The following SNTG2 variants were observed in gnomAD, a reference collection of about 807,000 sequenced individuals.
SNTG2 encodes gamma-2-syntrophin.
A neutral mutation model predicts 70.9 loss-of-function variants in SNTG2; 74 were observed. That is an observed-to-expected ratio of 1.04 (90% confidence interval 0.86 to 1.27). SNTG2 has a LOEUF of 1.27. SNTG2 is among the 50% of genes most tolerant of loss of function. SNTG2 has a pLI of 0.00. For synonymous variants in SNTG2, 278 were observed against 273.8 expected (o/e 1.02, Z -0.15); for missense variants, 717 against 690.7 (o/e 1.04, Z -0.43).
At chr2:1,282,831 G>C (rs1299831289) in intron 14 of SNTG2, among the ~76,000 whole-genome samples, 1 of 151,274 alleles carries the variant, frequency 6.6e-6, no homozygotes, top group Non-Finnish European at 1.5e-5. Context: ...GATAAGTAGA[G>C]CGCTGGCATT....
At chr2:1,085,248 A>T (rs1664608975) in intron 2 of SNTG2, among the ~76,000 whole-genome samples, 1 of 152,206 alleles carries the variant, frequency 6.6e-6, no homozygotes, top group Admixed American at 6.5e-5. Context: ...CTTAATAGAG[A>T]TTTTTAACTA....
In SNTG2 at chr2:1,113,215, A is replaced by T. The variant is rs372704746; in HGVS notation, c.325+14805A>T. 3.2e-3 allele frequency among the ~76,000 whole-genome samples: 362 copies of T among 113,828 alleles called. 6 individuals carry two copies. Among genetic ancestry groups the T allele is most frequent in the African/African-American group, 0.012 (344 of 29,826 alleles). The allele number at this position is 113,828 out of a possible 152,430, so 74.7% of individuals were successfully genotyped here. ...TTGAGAAGGATCGTGTGTACTGAGG[A>T]TTAACCTTTACAGTCCTTTCAGAAG... On this transcript the variant is annotated intron_variant, in intron 4 of 16. Transcript: ENST00000308624.
chr2:975,093 C>T (rs1660866510), intron 1 of SNTG2, among the ~76,000 whole-genome samples: 1 of 151,880 alleles, frequency 6.6e-6, no homozygotes, highest in Non-Finnish European at 1.5e-5. Flanking sequence ...CCACTCACAC[C>T]CATGAACAAA....
At chr2:1,005,667 G>A (rs541568016) in intron 1 of SNTG2, among the ~76,000 whole-genome samples, 59 of 151,004 alleles carry the variant, frequency 3.9e-4, no homozygotes, top group African/African-American at 1.4e-3. Context: ...AGCCAGGCGT[G>A]GTGACATGTG....
At chr2:1,054,187 C>A (rs950536873) in intron 1 of SNTG2, among the ~76,000 whole-genome samples, 2 of 152,040 alleles carry the variant, frequency 1.3e-5, no homozygotes, top group African/African-American at 4.8e-5. Flanking sequence ...TCCCGTGGTG[C>A]GGCTCGGGGG....
intron 1 of SNTG2, among the ~76,000 whole-genome samples, chr2:1,077,722 TTTTTA>T (rs1163649481): frequency 3.9e-5 from 6 of 152,064 alleles, no homozygotes; most frequent in Non-Finnish European, 8.8e-5. Flanking sequence ...TCCTCACAGG[TTTTTA>T]TTTTGTTTTT....
intron 11 of SNTG2, among the ~76,000 whole-genome samples, chr2:1,240,262 G>T (rs1048173381): frequency 2.6e-5 from 4 of 152,182 alleles, no homozygotes; most frequent in Non-Finnish European, 5.9e-5. Flanking sequence ...CAGGCAGTTT[G>T]TTCACCTGGA....
intron 4 of SNTG2, among the ~76,000 whole-genome samples, chr2:1,111,463 T>G (rs924673586): frequency 6.6e-6 from 1 of 152,140 alleles, no homozygotes; most frequent in Non-Finnish European, 1.5e-5. Context: ...AATCCAGTTG[T>G]TTTGCTTTAG....
At chr2:1,154,834 T>C (rs1558464494) in intron 6 of SNTG2, among the ~76,000 whole-genome samples, 1 of 151,108 alleles carries the variant, frequency 6.6e-6, no homozygotes, top group Non-Finnish European at 1.5e-5. Flanking sequence ...ACCACACATA[T>C]ACACACACAC....
chr2:1,162,058 T>TGA (rs1204689854), intron 6 of SNTG2, among the ~76,000 whole-genome samples: 1 of 108,182 alleles, frequency 9.2e-6, no homozygotes, highest in Non-Finnish European at 1.7e-5. Flanking sequence ...TGGGCGACAG[T>TGA]GAGACTCCGT....
At chr2:1,328,982 C>A (rs1007164761) in intron 16 of SNTG2, among the ~76,000 whole-genome samples, 2 of 152,244 alleles carry the variant, frequency 1.3e-5, no homozygotes, top group East Asian at 3.9e-4. Context: ...CATTTACACA[C>A]CCACACACTT....
chr2:1,161,988 T>G (rs562946895), intron 6 of SNTG2, among the ~76,000 whole-genome samples: 103 of 146,102 alleles, frequency 7.0e-4, no homozygotes, highest in Middle Eastern at 3.6e-3. Context: ...GCAGGAGAAT[T>G]GTGTGAACCC....
Position 951,400 on chromosome 2 carries a change from G to GT in SNTG2, c.72+332_72+333insT, listed in dbSNP as rs1309195541. Among the ~76,000 whole-genome samples, 11 of 152,304 alleles carry GT rather than the reference G, an allele frequency of 7.2e-5. No homozygotes were observed. The East Asian group carries it at 2.1e-3, about 30-fold the overall frequency. On this transcript the variant is annotated intron_variant, in intron 1 of 16. Coordinates refer to ENST00000308624, the MANE Select transcript of SNTG2 (RefSeq NM_018968.4). ...TTCCAGAATTTGGGATTTGAGATTG[G>GT]CCCGGCATTGCTTCCCAGGAGCGGC...
chr2:1,020,190 C>T (rs1473760111), intron 1 of SNTG2, among the ~76,000 whole-genome samples: 1 of 152,238 alleles, frequency 6.6e-6, no homozygotes, highest in Non-Finnish European at 1.5e-5. Context: ...ATTTTATACA[C>T]ATACGTGCAT....
Position 1,089,085 on chromosome 2 carries a change from A to G in SNTG2, c.210+5430A>G, listed in dbSNP as rs57495726. Among the ~76,000 whole-genome samples the G allele has an allele frequency of 6.5e-3, 994 of 152,354 alleles. 16 individuals carry two copies. Among genetic ancestry groups the G allele is most frequent in the African/African-American group, 0.023 (942 of 41,578 alleles). The stretch of plus-strand genomic sequence containing the variant: ...CTTTGAAATTCATACCTTCAGGAGA[A>G]AAGTGGACAGTCTTGCTGAAAAGGC... On this transcript the variant is annotated intron_variant, in intron 2 of 16. Transcript: ENST00000308624.
chr2:1,041,600 G>A (rs1186878678), intron 1 of SNTG2, among the ~76,000 whole-genome samples: 1 of 152,094 alleles, frequency 6.6e-6, no homozygotes, highest in East Asian at 1.9e-4. Flanking sequence ...GAGTTCTCAC[G>A]AGATCTGGTT....
intron 2 of SNTG2, among the ~76,000 whole-genome samples, chr2:1,095,984 C>T (rs1037619429): frequency 6.6e-6 from 1 of 152,164 alleles, no homozygotes; most frequent in African/African-American, 2.4e-5. Flanking sequence ...ATGAACACTA[C>T]AGAATTTAGC....
At chr2:1,218,334 T>C (rs1674532643) in intron 9 of SNTG2, among the ~76,000 whole-genome samples, 7 of 152,220 alleles carry the variant, frequency 4.6e-5, no homozygotes. Context: ...GTTGATTGAA[T>C]AACTGGAGCA....
rs191410324 is a variant in SNTG2, at chr2:1,317,228, C to T, written c.1488+853C>T. Among the ~76,000 whole-genome samples the T allele has an allele frequency of 1.7e-3, 65 of 37,646 alleles. 15 individuals are homozygous for T. In the East Asian group the frequency reaches 0.043, roughly 25 times the overall value. 24.7% of individuals were successfully genotyped at this position (37,646 alleles called of 152,430 possible). On this transcript the variant is annotated intron_variant, in intron 16 of 16. Transcript: ENST00000308624. ...TTGGGATTCTGGAACATTTAGCGTC[C>T]GGCCAGCATTGGAGAAGGTTGGGAT...
Sources: gnomAD v4.1 joint callset for allele counts (sites outside exome capture counted in the v4.1 genomes callset) on GRCh38, gnomAD v4.1.1 for gene constraint, MANE v1.5 for transcripts, NCBI Gene and HGNC (gene_info 2026-07-23, HGNC 2026-07-21) for gene names.